The following NSUN2 variants were observed in gnomAD, a reference collection of about 807,000 sequenced individuals.
NSUN2 encodes the protein NOP2/Sun RNA methyltransferase 2.
A neutral mutation model predicts 92.7 loss-of-function variants in NSUN2; 63 were observed. That is an observed-to-expected ratio of 0.68 (90% confidence interval 0.56 to 0.84). The LOEUF (loss-of-function observed/expected upper bound fraction) is 0.84, where lower values mean the gene tolerates loss of function less well. Ranked by LOEUF, NSUN2 falls within the 40% of genes least tolerant of loss-of-function variation. NSUN2 has a pLI of 0.00. For synonymous variants in NSUN2, 356 were observed against 348.3 expected (o/e 1.02, Z -0.25); for missense variants, 989 against 964.9 (o/e 1.02, Z -0.33).
intron 4 of NSUN2, 123 bp from the exon 5 acceptor site, chr5:6,623,408 G>T: frequency 1.4e-6 from 1 of 737,800 alleles, no homozygotes; most frequent in Non-Finnish European, 2.2e-6. Context: ...CAGAATGAGA[G>T]AACTCATACT....
rs1242823900 is a variant in NSUN2, at chr5:6,632,266, G to A, written c.255-289C>T. 2.6e-5 allele frequency among the ~76,000 whole-genome samples: 4 copies of A among 152,042 alleles called. No homozygotes were observed. The East Asian group carries it at 7.7e-4, about 29-fold the overall frequency. ...GTAACTACAAAGATGGAGGGGGGGCGCGGAGGAGGGGAGAACCAAGGGGTT... is the reference window on the plus strand; with the variant it reads ...GTAACTACAAAGATGGAGGGGGGGCACGGAGGAGGGGAGAACCAAGGGGTT... On this transcript the variant is annotated intron_variant, in intron 2 of 18. Transcript: ENST00000264670.
At chr5:6,602,934 G>A (rs970359797) in intron 17 of NSUN2, among the ~76,000 whole-genome samples, 12 of 152,274 alleles carry the variant, frequency 7.9e-5, no homozygotes, top group African/African-American at 2.9e-4. Context: ...GTATAAACAG[G>A]TCCTTTATCC....
rs1469112922 is a variant in NSUN2, at chr5:6,605,043, A to G, written c.1737+230T>C. On this transcript the variant is annotated intron_variant, in intron 15 of 18. Coordinates refer to ENST00000264670, the MANE Select transcript of NSUN2 (RefSeq NM_017755.6). Reference sequence around the variant, plus strand: ...ACACCATGGCTCACCCCCCTGCGGGAATGGGGCACAGAAAAGACACAGGCC... The same window carrying G: ...ACACCATGGCTCACCCCCCTGCGGGGATGGGGCACAGAAAAGACACAGGCC... 7 of 622,534 alleles carry G rather than the reference A, an allele frequency of 1.1e-5. No homozygotes were observed. The South Asian group carries it at 1.2e-4, about 11-fold the overall frequency. 38.6% of individuals were successfully genotyped at this position (622,534 alleles called of 1,614,324 possible).
rs1460018007 is a variant in NSUN2, at chr5:6,632,682, G to C, written c.171C>G (p.Ile57Met). 2 of 1,614,018 alleles carry C rather than the reference G, an allele frequency of 1.2e-6. No homozygotes were observed. Among genetic ancestry groups the C allele is most frequent in the Non-Finnish European group, 1.7e-6 (2 of 1,180,022 alleles). ...ACTGGCCCCACTCGCCCTCGGGCAC[G>C]ATCTTGAGCTCCTGGTAGTAGTGCT... Reference protein sequence around the residue: ...LFEHYYQELKIVPEGEWGQFM... With the variant: ...LFEHYYQELKMVPEGEWGQFM... Residue 57 changes from isoleucine (I) to methionine (M), a missense_variant, in exon 2 of 19, where the codon ATC becomes ATG. Around this residue, in one of 3 missense-constraint regions of NSUN2, gnomAD observed 356 missense variants for 338.6 expected, o/e 1.05. Transcript: ENST00000264670.
At chr5:6,603,434 G>A (rs953124973) in intron 17 of NSUN2, among the ~76,000 whole-genome samples, 3 of 152,262 alleles carry the variant, frequency 2.0e-5, no homozygotes, top group Admixed American at 2.0e-4. Context: ...GCCCACGCCT[G>A]TAATCCCAGC....
chr5:6,614,095 G>GAA (rs70937111), intron 9 of NSUN2, among the ~76,000 whole-genome samples: 1 of 34,652 alleles, frequency 2.9e-5, no homozygotes, highest in Non-Finnish European at 5.4e-5. Flanking sequence ...GACTGTCTCG[G>GAA]AAAAAAAAAA....
At chr5:6,613,715 T>C (rs912755124) in intron 9 of NSUN2, among the ~76,000 whole-genome samples, 8 of 152,210 alleles carry the variant, frequency 5.3e-5, no homozygotes, top group Admixed American at 2.0e-4. Context: ...GGTGCGATTT[T>C]GGCCTTGGTC....
Position 6,631,961 on chromosome 5 carries a change from G to T in NSUN2, c.271C>A (p.Leu91Ile). 1 of 1,612,976 alleles carries T rather than the reference G, an allele frequency of 6.2e-7. No individual in the cohort carries two copies. The highest frequency in any genetic ancestry group is 1.1e-5 in the South Asian group (1 of 90,762). The change falls in exon 3 of 19, where the codon CTC (leucine) becomes ATC (isoleucine). Residue 91 changes from leucine (L) to isoleucine (I), a missense_variant. Leu to Ile is a conservative substitution (Grantham distance 5, BLOSUM62 2). This residue lies in a region of NSUN2 where 356 missense variants were observed against 338.6 expected (regional missense o/e 1.05). Coordinates refer to ENST00000264670, the MANE Select transcript of NSUN2 (RefSeq NM_017755.6). ...AAATATTTGTTCTTTAAGCAATGGA[G>T]AATCTCTTTTGCGTGGCTATTGAAA... ...TGYKSHAKEILHCLKNKYFKE... is the reference protein window; with the variant it reads ...TGYKSHAKEIIHCLKNKYFKE...
At chr5:6,605,167 G>A in intron 15 of NSUN2, 106 bp downstream of exon 15, 2 of 1,463,852 alleles carry the variant, frequency 1.4e-6, no homozygotes, top group Non-Finnish European at 1.9e-6. Context: ...AGCGCTACAG[G>A]TGGGGAGGGC....
At chr5:6,618,448 T>G (rs759313770) in intron 7 of NSUN2, among the ~76,000 whole-genome samples, 4 of 152,308 alleles carry the variant, frequency 2.6e-5, no homozygotes, top group Middle Eastern at 3.4e-3. Flanking sequence ...AGCTAATATA[T>G]TAGCTAAATT....
intron 12 of NSUN2, among the ~76,000 whole-genome samples, chr5:6,609,425 G>A (rs956968799): frequency 6.6e-6 from 1 of 152,186 alleles, no homozygotes; most frequent in African/African-American, 2.4e-5. Flanking sequence ...CAGCCAAGGT[G>A]AACCCGGGCT....
chr5:6,628,850 C>T (rs1737759928), intron 3 of NSUN2, among the ~76,000 whole-genome samples: 2 of 152,168 alleles, frequency 1.3e-5, no homozygotes, highest in Admixed American at 1.3e-4. Flanking sequence ...CAAGACCAGC[C>T]TGGGCAACAA....
chr5:6,607,167 C>A (rs747987983), intron 13 of NSUN2, 33 bp downstream of exon 13: 3 of 1,602,560 alleles, frequency 1.9e-6, no homozygotes, highest in South Asian at 1.1e-5. Context: ...AAGACACCAG[C>A]GTATTAGATC....
chr5:6,629,444 A>G (rs556476900), intron 3 of NSUN2, among the ~76,000 whole-genome samples: 1 of 152,312 alleles, frequency 6.6e-6, no homozygotes, highest in Admixed American at 6.5e-5. Context: ...GTGCCTTAAG[A>G]GCACACCTCT....
chr5:6,626,395 A>G (rs1310606393), intron 3 of NSUN2, among the ~76,000 whole-genome samples: 1 of 149,850 alleles, frequency 6.7e-6, no homozygotes. Context: ...TTTTTTTGAG[A>G]CAGTCTCACT....
chr5:6,605,867 G>A (rs1366220644), intron 14 of NSUN2, among the ~76,000 whole-genome samples: 1 of 147,198 alleles, frequency 6.8e-6, no homozygotes, highest in African/African-American at 2.5e-5. Flanking sequence ...ATTTTTTTTT[G>A]TATTTTTAGT....
chr5:6,632,999 G>T lies in NSUN2; in HGVS notation c.-20C>A. 1 of 1,430,184 alleles carries T rather than the reference G, an allele frequency of 7.0e-7. No homozygotes were observed. The highest frequency in any genetic ancestry group is 9.1e-7 in the Non-Finnish European group (1 of 1,103,338). The allele number at this position is 1,430,184 out of a possible 1,614,324, so 88.6% of individuals were successfully genotyped here. On this transcript the variant is annotated 5_prime_UTR_variant, in exon 1 of 19. Coordinates refer to ENST00000264670, the MANE Select transcript of NSUN2 (RefSeq NM_017755.6). ...CCCCATAGCCCACGCGGCCGCGCACGCAGCACGCAGAAACCGGCCCGCCAC... is the reference window on the plus strand; with the variant it reads ...CCCCATAGCCCACGCGGCCGCGCACTCAGCACGCAGAAACCGGCCCGCCAC...
chr5:6,605,219 A>C (rs1736716548), intron 15 of NSUN2, 54 bp downstream of exon 15: 1 of 1,599,568 alleles, frequency 6.3e-7, no homozygotes, highest in Non-Finnish European at 8.5e-7. Context: ...AGCCGCTGTG[A>C]AAAGCCACAC....
intron 9 of NSUN2, 100 bp from the exon 10 acceptor site, chr5:6,611,898 CCA>C: frequency 9.5e-7 from 1 of 1,047,862 alleles, no homozygotes; most frequent in Non-Finnish European, 1.4e-6. Context: ...TTATATGATT[CCA>C]TGTACAGAAA....
Sources: gnomAD v4.1 joint callset for allele counts (sites outside exome capture counted in the v4.1 genomes callset) on GRCh38, gnomAD v4.1.1 for gene constraint, gnomAD v4.1.1 regional missense constraint, MANE v1.5 for transcripts, NCBI Gene and HGNC (gene_info 2026-07-23, HGNC 2026-07-21) for gene names.